Variants in CACNA1E observed in about 807,000 individuals in gnomAD.
CACNA1E encodes the protein voltage-dependent R-type calcium channel subunit alpha-1E.
Under a neutral mutation model 259.2 loss-of-function variants are expected in CACNA1E, and 40 were observed. The ratio of observed to expected loss-of-function variants is 0.15; its 90% CI spans 0.12 to 0.20. The LOEUF (loss-of-function observed/expected upper bound fraction) is 0.20, where lower values mean the gene tolerates loss of function less well. CACNA1E is among the 10% of genes least tolerant of loss of function. The probability of loss-of-function intolerance (pLI) is 1.00; values close to 1 mark genes in which losing one functional copy is unlikely to be tolerated. For missense variants in CACNA1E, 1,874 were observed against 3,040.1 expected (o/e 0.62, Z 9.02); for synonymous variants, 1,104 against 1,138.5 (o/e 0.97, Z 0.61).
chr1:181,494,656 A>G (rs1035260117), intron 1 of CACNA1E, among the ~76,000 whole-genome samples: 1 of 152,180 alleles, frequency 6.6e-6, no homozygotes, highest in Non-Finnish European at 1.5e-5. Context: ...AAGAAGATTA[A>G]ATCACTTGCC....
intron 3 of CACNA1E, among the ~76,000 whole-genome samples, chr1:181,572,030 C>CTGAATAAATAATTCAGA (rs1280707822): frequency 6.6e-6 from 1 of 152,144 alleles, no homozygotes; most frequent in Non-Finnish European, 1.5e-5. Context: ...AAACATTGCA[C>CTGAATAAATAATTCAGA]TAAAAATTAT....
intron 25 of CACNA1E, among the ~76,000 whole-genome samples, chr1:181,743,510 G>T (rs889595387): frequency 4.6e-5 from 7 of 152,214 alleles, no homozygotes; most frequent in Non-Finnish European, 8.8e-5. Context: ...CCCAACCAAA[G>T]TCAGCTGCCT....
intron 35 of CACNA1E, 28 bp downstream of exon 35, chr1:181,766,639 G>A (rs766279951): frequency 1.3e-6 from 2 of 1,539,470 alleles, no homozygotes; most frequent in East Asian, 2.3e-5. Context: ...GGGCCCGGTG[G>A]GGGACAGCTG....
intron 6 of CACNA1E, among the ~76,000 whole-genome samples, chr1:181,585,048 C>G (rs978720513): frequency 2.6e-5 from 4 of 152,130 alleles, no homozygotes; most frequent in Non-Finnish European, 5.9e-5. Context: ...TCTGGACTGC[C>G]CTGTTCTTAT....
chr1:181,720,100 T>C lies in CACNA1E; in HGVS notation c.1752-106T>C. 7 of 1,333,154 alleles carry C rather than the reference T, an allele frequency of 5.3e-6. No homozygotes were observed. In the South Asian group the frequency reaches 5.4e-5, roughly 10 times the overall value. The allele number at this position is 1,333,154 out of a possible 1,614,324, so 82.6% of individuals were successfully genotyped here. On this transcript the variant is annotated intron_variant, in intron 13 of 47. Coordinates refer to ENST00000367573, the MANE Select transcript of CACNA1E (RefSeq NM_001205293.3). ...CTGCCCTCTTTACTTCCTACAAATA[T>C]ACAAATGCAGCTTATTTCATAGACT...
At chr1:181,712,057 C>T (rs145568492) in intron 8 of CACNA1E, among the ~76,000 whole-genome samples, 5 of 152,124 alleles carry the variant, frequency 3.3e-5, no homozygotes, top group African/African-American at 9.7e-5. Flanking sequence ...CTTGAGCTGT[C>T]ATCAGTTCTT....
Position 181,707,324 on chromosome 1 carries a change from G to C in CACNA1E, c.1056-3630G>C, listed in dbSNP as rs562270196. ...TTAGCCAAGAGGCTTGGCCAAATTG[G>C]TTGGGCTCTGGGACTGTGAGTTCCA... On this transcript the variant is annotated intron_variant, in intron 7 of 47. Transcript: ENST00000367573. Among the ~76,000 whole-genome samples the C allele has an allele frequency of 2.0e-4, 31 of 152,280 alleles. No homozygotes were observed. In the South Asian group the frequency reaches 6.4e-3, roughly 32 times the overall value.
intron 3 of CACNA1E, among the ~76,000 whole-genome samples, chr1:181,562,012 A>G (rs927601651): frequency 1.3e-5 from 2 of 151,934 alleles, no homozygotes; most frequent in Non-Finnish European, 2.9e-5. Context: ...CCATCTTTTC[A>G]TGTGCTTATT....
rs755212441 is a variant in CACNA1E at position 181,721,817 on chromosome 1, G to A, written c.2016G>A (p.Gly672=). 22 of 1,613,524 alleles carry A rather than the reference G, an allele frequency of 1.4e-5. No individual in the cohort carries two copies. The East Asian group carries it at 3.3e-4, about 25-fold the overall frequency. Residue 672 remains glycine, a synonymous_variant, in exon 16 of 48, where the codon GGG becomes GGA. Transcript: ENST00000367573. ...ACAATGGGATCCGCTCCCAGGGTGGGGTCAGCTCAGGCATGTGGTCTGCCA... is the reference window on the plus strand; with the variant it reads ...ACAATGGGATCCGCTCCCAGGGTGGAGTCAGCTCAGGCATGTGGTCTGCCA... ...VMYNGIRSQG[G]VSSGMWSAIY...
chr1:181,772,359 C>T, intron 37 of CACNA1E, 128 bp downstream of exon 37: 1 of 860,148 alleles, frequency 1.2e-6, no homozygotes, highest in Non-Finnish European at 1.9e-6. Flanking sequence ...CTCTCCACAC[C>T]CCCACCATGC....
chr1:181,669,991 C>A (rs766098561), intron 7 of CACNA1E, among the ~76,000 whole-genome samples: 30 of 152,176 alleles, frequency 2.0e-4, no homozygotes, highest in African/African-American at 6.8e-4. Context: ...TAATTTATCT[C>A]CTACATTCAC....
At chr1:181,531,939 C>A (rs987366464) in intron 3 of CACNA1E, among the ~76,000 whole-genome samples, 112 of 152,298 alleles carry the variant, frequency 7.4e-4, no homozygotes, top group African/African-American at 2.6e-3. Flanking sequence ...ACCTGTAATC[C>A]CAGCTACTCA....
chr1:181,790,545 C>T lies in CACNA1E; in HGVS notation c.5887C>T (p.Arg1963Trp), dbSNP rs767454901. 1.9e-5 allele frequency: 30 copies of T among 1,598,926 alleles called. No individual in the cohort carries two copies. The highest frequency in any genetic ancestry group is 4.0e-5 in the African/African-American group (3 of 74,736). Residue 1963 changes from arginine (R) to tryptophan (W), a missense_variant, in exon 44 of 48, where the codon CGG (arginine) becomes TGG (tryptophan). By Grantham distance (101) the Arg-to-Trp change is moderately radical. Around this residue, in one of 14 missense-constraint regions of CACNA1E, gnomAD observed 542 missense variants for 587.2 expected, o/e 0.92. Coordinates refer to ENST00000367573, the MANE Select transcript of CACNA1E (RefSeq NM_001205293.3). The part of the protein sequence containing the change: ...DPADDGQFQE[R>W]QSLEPEVSEL... ...CGCCGATGACGGACAGTTCCAAGAACGGCAGTCTCTGGTGAATGCATGAGT... is the reference window on the plus strand; with the variant it reads ...CGCCGATGACGGACAGTTCCAAGAATGGCAGTCTCTGGTGAATGCATGAGT...
Position 181,772,294 on chromosome 1 carries a change from A to T in CACNA1E, c.5139+63A>T. The T allele has an allele frequency of 3.3e-6, 5 of 1,508,378 alleles. No homozygotes were observed. The Admixed American group carries it at 7.1e-5, about 21-fold the overall frequency. 93.4% of individuals were successfully genotyped at this position (1,508,378 alleles called of 1,614,324 possible). On this transcript the variant is annotated intron_variant, in intron 37 of 47. Transcript: ENST00000367573. ...ATCCCATCCTACCCCTAACCCTCTGATACATAGACCGGAGATGTTTGCTTC... is the reference window on the plus strand; with the variant it reads ...ATCCCATCCTACCCCTAACCCTCTGTTACATAGACCGGAGATGTTTGCTTC...
At chr1:181,406,062 A>G (rs1657442349) in intron 1 of CACNA1E, among the ~76,000 whole-genome samples, 1 of 152,194 alleles carries the variant, frequency 6.6e-6, no homozygotes, top group Non-Finnish European at 1.5e-5. Flanking sequence ...TAAAATATTT[A>G]CTATCTAACC....
chr1:181,782,467 A>C (rs980176676), intron 39 of CACNA1E, among the ~76,000 whole-genome samples: 1 of 152,242 alleles, frequency 6.6e-6, no homozygotes, highest in Non-Finnish European at 1.5e-5. Flanking sequence ...ACATCATAGT[A>C]ATGTTTCCAC....
At chr1:181,555,022 C>T (rs537363292) in intron 3 of CACNA1E, among the ~76,000 whole-genome samples, 8 of 152,116 alleles carry the variant, frequency 5.3e-5, no homozygotes, top group Non-Finnish European at 1.0e-4. Flanking sequence ...TCCACAGATG[C>T]TGAGATGCTC....
intron 3 of CACNA1E, among the ~76,000 whole-genome samples, chr1:181,521,411 C>T (rs1341673862): frequency 6.6e-6 from 1 of 152,174 alleles, no homozygotes; most frequent in East Asian, 1.9e-4. Context: ...TTAGTCAAAA[C>T]TCTGGGTGAG....
At chr1:181,480,316 C>T (rs567684836), upstream of CACNA1E, among the ~76,000 whole-genome samples, 7 of 152,276 alleles carry the variant, frequency 4.6e-5, no homozygotes, top group South Asian at 1.5e-3. Context: ...CCATTTATGC[C>T]ATTATGTTTG....
Sources: gnomAD v4.1 joint callset for allele counts (sites outside exome capture counted in the v4.1 genomes callset) on GRCh38, gnomAD v4.1.1 for gene constraint, gnomAD v4.1.1 regional missense constraint, MANE v1.5 for transcripts, NCBI Gene and HGNC (gene_info 2026-07-23, HGNC 2026-07-21) for gene names.